Variants in XKRX observed in about 807,000 individuals in gnomAD.
The protein encoded by XKRX is XK-related protein 2.
In XKRX, 11 loss-of-function variants were observed where a neutral mutation model predicts 22.4. The ratio of observed to expected loss-of-function variants is 0.49; its 90% CI spans 0.31 to 0.81. The LOEUF is 0.81. XKRX is among the 40% of genes least tolerant of loss of function. The pLI, the probability that XKRX is intolerant of heterozygous loss-of-function variation, is 0.05. For missense variants in XKRX, 320 were observed against 336.5 expected, an observed-to-expected ratio of 0.95 and a Z score of 0.38; for synonymous variants, 114 against 132.2, an observed-to-expected ratio of 0.86 and a Z score of 0.94.
the XKRX span, among the ~76,000 whole-genome samples, chrX:100,891,411 G>A: frequency 9.0e-6 from 1 of 111,182 alleles, no homozygotes; most frequent in African/African-American, 3.3e-5. Context: ...GAACAAAACT[G>A]GAGGAATTAT....
upstream of XKRX, among the ~76,000 whole-genome samples, chrX:100,930,287 TTAATAATAATAATAA>T (rs59300334): frequency 1.9e-4 from 16 of 85,609 alleles, 1 homozygote; most frequent in South Asian, 1.3e-3. Flanking sequence ...AGATTACGTC[TTAATAATAATAATAA>T]TAATAATAAT....
At chrX:100,912,919 C>G (rs1348621263), downstream of XKRX, among the ~76,000 whole-genome samples, 2 of 111,604 alleles carry the variant, frequency 1.8e-5, no homozygotes, top group African/African-American at 6.5e-5. Flanking sequence ...AAATCCTGGC[C>G]GCGTGAGGTG....
the XKRX span, among the ~76,000 whole-genome samples, chrX:100,938,361 G>C: frequency 7.2e-5 from 8 of 111,855 alleles, no homozygotes; most frequent in Non-Finnish European, 1.3e-4. Flanking sequence ...GGGTGCAGTG[G>C]CTCATGCCTG....
the XKRX span, among the ~76,000 whole-genome samples, chrX:100,904,075 C>T: frequency 2.7e-5 from 3 of 111,872 alleles, no homozygotes; most frequent in African/African-American, 9.7e-5. Context: ...TACCAAATTT[C>T]AAGACTTACT....
chrX:100,914,406 G>A lies in XKRX; in HGVS notation c.1282C>T (p.His428Tyr). The change falls in exon 3 of 3, where the codon CAC becomes TAC. Residue 428 changes from histidine (H) to tyrosine (Y), a missense_variant. Physicochemically the swap from His to Tyr is moderately conservative, Grantham distance 83 (BLOSUM62 2). Coordinates refer to ENST00000372956, the MANE Select transcript of XKRX (RefSeq NM_212559.3). The stretch of plus-strand genomic sequence containing the variant: ...GAGTTCTCAACCCTGGTCCGAGGGT[G>A]CTGGTGACAGCAGACACAATGGAGG... ...DYLHCVCCHQ[H>Y]PRTRVENSEP... The A allele has an allele frequency of 8.3e-7, 1 of 1,211,737 alleles. No homozygotes were observed. Among genetic ancestry groups the A allele is most frequent in the African/African-American group, 1.7e-5 (1 of 57,883 alleles).
chrX:100,956,316 A>T, the XKRX span, among the ~76,000 whole-genome samples: 1 of 111,725 alleles, frequency 9.0e-6, no homozygotes, highest in African/African-American at 3.3e-5. Context: ...GTTTACCTAT[A>T]TAACAAACCT....
chrX:100,952,929 T>C, the XKRX span, among the ~76,000 whole-genome samples: 1 of 112,240 alleles, frequency 8.9e-6, no homozygotes, highest in African/African-American at 3.2e-5. Context: ...CTGCACAGAA[T>C]TTTGGGACAA....
the XKRX span, chrX:100,888,278 T>C: frequency 4.1e-6 from 3 of 739,541 alleles, no homozygotes. Flanking sequence ...AAATATCTTT[T>C]TCACAGTTAA....
At chrX:100,956,605 C>T in the XKRX span, 88 of 504,272 alleles carry the variant, frequency 1.7e-4, no homozygotes, top group Admixed American at 9.7e-5. Context: ...TAAAGGCATG[C>T]AGTATGAACT....
the XKRX span, among the ~76,000 whole-genome samples, chrX:100,894,761 T>A: frequency 1.8e-5 from 2 of 111,972 alleles, no homozygotes; most frequent in Non-Finnish European, 3.8e-5. Flanking sequence ...CTTACACAAT[T>A]GGTTTTGATT....
upstream of XKRX, among the ~76,000 whole-genome samples, chrX:100,930,379 G>A (rs1358977279): frequency 9.1e-6 from 1 of 110,165 alleles, no homozygotes; most frequent in African/African-American, 3.3e-5. Context: ...CAGGAAGTCA[G>A]TAAAACAAAT....
chrX:100,944,655 G>A, the XKRX span, among the ~76,000 whole-genome samples: 1 of 112,450 alleles, frequency 8.9e-6, no homozygotes, highest in Non-Finnish European at 1.9e-5. Flanking sequence ...GAGCCACCAT[G>A]CCCAGCCAAA....
chrX:100,920,902 G>A (rs181590641), intron 2 of XKRX, among the ~76,000 whole-genome samples: 1,651 of 109,527 alleles, frequency 0.015, 35 homozygotes, highest in African/African-American at 0.052. Flanking sequence ...TGGGATTACA[G>A]GCACCCACCA....
downstream of XKRX, among the ~76,000 whole-genome samples, chrX:100,912,722 G>A (rs1423582153): frequency 1.8e-5 from 2 of 111,615 alleles, no homozygotes; most frequent in Non-Finnish European, 3.8e-5. Context: ...GTCCCAATAG[G>A]CAGTGGCCAT....
rs1296459715 is a variant in XKRX, at chrX:100,927,054, A to AC, written c.335+915dup. On this transcript the variant is annotated intron_variant, in intron 1 of 2. Transcript: ENST00000372956. Reference sequence around the variant, plus strand: ...GGGTAAAGAAACTTTTATCCAATTTACAAAGCATCCAAAAGGTAGAGTCAA... The same window carrying AC: ...GGGTAAAGAAACTTTTATCCAATTTACCAAAGCATCCAAAAGGTAGAGTCAA... Among the ~76,000 whole-genome samples, 8 of 111,645 alleles carry AC rather than the reference A, an allele frequency of 7.2e-5. No homozygotes were observed. In the Admixed American group the frequency reaches 7.6e-4, roughly 11 times the overall value.
downstream of XKRX, among the ~76,000 whole-genome samples, chrX:100,908,511 ACT>A: frequency 9.0e-6 from 1 of 111,126 alleles, no homozygotes. Flanking sequence ...TTTTGCCAAG[ACT>A]CAACATATTT....
At chrX:100,892,376 T>G in the XKRX span, among the ~76,000 whole-genome samples, 1 of 111,880 alleles carries the variant, frequency 8.9e-6, no homozygotes, top group African/African-American at 3.3e-5. Context: ...TTCTCCATGA[T>G]GTGATTATTA....
At chrX:100,937,094 C>T in the XKRX span, among the ~76,000 whole-genome samples, 46 of 108,667 alleles carry the variant, frequency 4.2e-4, no homozygotes, top group Middle Eastern at 4.8e-3. Context: ...CAGGGTCAAG[C>T]GATTCTCTGC....
chrX:100,894,258 C>T, the XKRX span, among the ~76,000 whole-genome samples: 1 of 111,555 alleles, frequency 9.0e-6, no homozygotes, highest in Admixed American at 9.6e-5. Context: ...CAGAGCGAGA[C>T]TCTGTCTCAA....
Sources: gnomAD v4.1 joint callset for allele counts (sites outside exome capture counted in the v4.1 genomes callset) on GRCh38, gnomAD v4.1.1 for gene constraint, MANE v1.5 for transcripts, NCBI Gene and HGNC (gene_info 2026-07-23, HGNC 2026-07-21) for gene names.